Variants in C1QB observed in about 807,000 individuals in gnomAD.
The protein encoded by C1QB is complement C1q subcomponent subunit B.
A neutral mutation model predicts 4.6 loss-of-function variants in C1QB; 2 were observed. That is an observed-to-expected ratio of 0.43 (90% CI 0.18 to 1.36). C1QB has a LOEUF of 1.36. C1QB is among the 40% of genes most tolerant of loss of function. The probability of loss-of-function intolerance (pLI) is 0.28; values close to 1 mark genes in which losing one functional copy is unlikely to be tolerated. For missense variants in C1QB, 292 were observed against 338.0 expected (o/e 0.86, Z 1.07); for synonymous variants, 132 against 137.1 (o/e 0.96, Z 0.26).
chr1:22,659,305 G>GATGGATGA lies in C1QB; in HGVS notation c.-23-128_-23-127insAATGGATG, dbSNP rs1441493639. The GATGGATGA allele has an allele frequency of 4.4e-6, 3 of 688,672 alleles. No individual in the cohort carries two copies. The Admixed American group carries it at 6.8e-5, about 16-fold the overall frequency. 42.7% of individuals were successfully genotyped at this position (688,672 alleles called of 1,614,324 possible). ...GGAGGGATAGAGAGATGGATGGATG[G>GATGGATGA]ATGGATGGATGGATGGATGGATGCA... is the stretch of plus-strand genomic sequence containing the variant. On this transcript the variant is annotated intron_variant, in intron 1 of 2. Transcript: ENST00000509305.
chr1:22,656,471 C>A (rs1334287071), intron 1 of C1QB, among the ~76,000 whole-genome samples: 1 of 151,964 alleles, frequency 6.6e-6, no homozygotes, highest in South Asian at 2.1e-4. Flanking sequence ...CTCCAGAGTT[C>A]GAGACCAGCC....
chr1:22,661,299 G>A lies in C1QB; in HGVS notation c.669G>A (p.Gln223=), dbSNP rs200579004. The part of the protein sequence containing the change: ...KLEQGENVFL[Q]ATDKNSLLGM... ...AGCAGGGGGAGAACGTCTTCCTGCAGGCCACCGACAAGAACTCACTACTGG... is the reference window on the plus strand; with the variant it reads ...AGCAGGGGGAGAACGTCTTCCTGCAAGCCACCGACAAGAACTCACTACTGG... Residue 223 remains glutamine (Q), a synonymous_variant, in exon 3 of 3, where the codon CAG becomes CAA. Coordinates refer to ENST00000509305, the MANE Select transcript of C1QB (RefSeq NM_001378156.1). 1.9e-6 allele frequency: 3 copies of A among 1,614,002 alleles called. No individual in the cohort carries two copies. The highest frequency in any genetic ancestry group is 2.5e-6 in the Non-Finnish European group (3 of 1,179,972).
chr1:22,656,383 T>G (rs1444317849), intron 1 of C1QB, among the ~76,000 whole-genome samples: 2 of 152,020 alleles, frequency 1.3e-5, no homozygotes, highest in African/African-American at 4.8e-5. Flanking sequence ...GATGAGTGGA[T>G]AAACAAATAG....
At chr1:22,655,006 C>T (rs1282081317) in intron 1 of C1QB, among the ~76,000 whole-genome samples, 1 of 152,178 alleles carries the variant, frequency 6.6e-6, no homozygotes. Context: ...CCCAGCCACA[C>T]AGGAGCTGTG....
Position 22,654,474 on chromosome 1 carries a change from T to A in C1QB, c.-24+1171T>A, listed in dbSNP as rs566313616. Among the ~76,000 whole-genome samples the A allele has an allele frequency of 1.2e-4, 19 of 152,314 alleles. No individual in the cohort carries two copies. The East Asian group carries it at 3.7e-3, about 29-fold the overall frequency. ...GTCTTTCAAAGGGATTGTCTTTTTT[T>A]ACTTCTCCAACCATCTTCCCTTCTG... On this transcript the variant is annotated intron_variant, in intron 1 of 2. Transcript: ENST00000509305.
At position 22,660,957 on chromosome 1, in the gene C1QB, T is replaced by C. The variant is rs148746097; in HGVS notation, c.327T>C (p.Gly109=). 8.0e-4 allele frequency: 1,295 copies of C among 1,613,392 alleles called. 16 individuals are homozygous for C. The East Asian group carries it at 0.024, about 30-fold the overall frequency. Residue 109 remains glycine (G), a synonymous_variant, in exon 3 of 3, where the codon GGT becomes GGC. Transcript: ENST00000509305. ...CCCCTGGAGCCCCAGGCCCCAAAGG[T>C]GAATCGGGAGACTACAAGGCCACCC... The part of the protein sequence containing the change: ...PGAPGAPGPK[G]ESGDYKATQK...
intron 1 of C1QB, among the ~76,000 whole-genome samples, chr1:22,657,573 T>G (rs1182422867): frequency 6.6e-6 from 1 of 152,124 alleles, no homozygotes; most frequent in African/African-American, 2.4e-5. Flanking sequence ...TTCATGGTTG[T>G]CAGGGGCTGG....
intron 1 of C1QB, 110 bp from the exon 2 acceptor site, chr1:22,659,330 A>C (rs1259528788): frequency 1.2e-6 from 1 of 846,218 alleles, no homozygotes; most frequent in Non-Finnish European, 1.8e-6. Flanking sequence ...GGATGGATGC[A>C]GATGGAGGAA....
Position 22,659,306 on chromosome 1 carries a change from A to G in C1QB, c.-23-134A>G, listed in dbSNP as rs532614985. ...GAGGGATAGAGAGATGGATGGATGG[A>G]TGGATGGATGGATGGATGGATGCAG... On this transcript the variant is annotated intron_variant, in intron 1 of 2. Transcript: ENST00000509305. The G allele has an allele frequency of 7.5e-5, 52 of 693,856 alleles. 4 individuals are homozygous for G. In the South Asian group the frequency reaches 1.1e-3, roughly 14 times the overall value. 43.0% of individuals were successfully genotyped at this position (693,856 alleles called of 1,614,324 possible). A position where few individuals can be genotyped will look rare whatever the true frequency, so the allele number is the denominator to read the frequency against.
At chr1:22,655,386 G>A (rs1320879261) in intron 1 of C1QB, among the ~76,000 whole-genome samples, 1 of 152,124 alleles carries the variant, frequency 6.6e-6, no homozygotes, top group African/African-American at 2.4e-5. Context: ...ATAACTCAGG[G>A]CTTTCAGCAA....
In C1QB at chr1:22,661,141, C is replaced by T. The variant is rs1376944021; in HGVS notation, c.511C>T (p.His171Tyr). The change falls in exon 3 of 3, where the codon CAC (histidine) becomes TAC (tyrosine). Residue 171 changes from histidine to tyrosine, a missense_variant. By Grantham distance (83) the His-to-Tyr change is moderately conservative (BLOSUM62 2). Transcript: ENST00000509305. ...KVPGLYYFTY[H>Y]ASSRGNLCVN... ...GCCCGGTCTCTACTACTTCACCTAC[C>T]ACGCCAGCTCTCGAGGGAACCTGTG... 6.2e-7 allele frequency: 1 copy of T among 1,614,012 alleles called. No individual in the cohort carries two copies. The highest frequency in any genetic ancestry group is 8.5e-7 in the Non-Finnish European group (1 of 1,180,024).
In C1QB at chr1:22,654,467, C is replaced by CT. The variant is rs551225173; in HGVS notation, c.-24+1171dup. Among the ~76,000 whole-genome samples, 387 of 152,250 alleles carry CT rather than the reference C, an allele frequency of 2.5e-3. 1 individual carries two copies. Among genetic ancestry groups the CT allele is most frequent in the Non-Finnish European group, 4.1e-3 (279 of 68,010 alleles). On this transcript the variant is annotated intron_variant, in intron 1 of 2. Coordinates refer to ENST00000509305, the MANE Select transcript of C1QB (RefSeq NM_001378156.1). The stretch of plus-strand genomic sequence containing the variant: ...AAACACAGTCTTTCAAAGGGATTGT[C>CT]TTTTTTTACTTCTCCAACCATCTTC...
At chr1:22,653,473 G>A (rs1328389135) in intron 1 of C1QB, among the ~76,000 whole-genome samples, 170 bp downstream of exon 1, 2 of 152,228 alleles carry the variant, frequency 1.3e-5, no homozygotes, top group African/African-American at 2.4e-5. Flanking sequence ...TCTCTGGGGT[G>A]AGTTGGGGAG....
At chr1:22,653,622 AACCT>A (rs2148301073) in intron 1 of C1QB, among the ~76,000 whole-genome samples, 2 of 152,264 alleles carry the variant, frequency 1.3e-5, no homozygotes, top group African/African-American at 4.8e-5. Context: ...CAAGTCACCT[AACCT>A]CTCTCAGCCC....
At chr1:22,659,250 A>AGATG (rs1318205692) in intron 1 of C1QB, among the ~76,000 whole-genome samples, 190 bp from the exon 2 acceptor site, 33 of 138,830 alleles carry the variant, frequency 2.4e-4, no homozygotes, top group African/African-American at 2.3e-4. Flanking sequence ...AGGGATAGAG[A>AGATG]GATGGATGGA....
chr1:22,659,764 A>G (rs1393877245), intron 2 of C1QB, 121 bp downstream of exon 2: 10 of 1,199,656 alleles, frequency 8.3e-6, no homozygotes, highest in Non-Finnish European at 1.2e-5. Context: ...CAGCTTGCTG[A>G]ACCCTTGCAG....
intron 2 of C1QB, among the ~76,000 whole-genome samples, chr1:22,660,159 A>G (rs1443418732): frequency 1.3e-5 from 2 of 152,068 alleles, no homozygotes; most frequent in Non-Finnish European, 2.9e-5. Context: ...TCCTCACATA[A>G]TCTCATCTAA....
Position 22,661,478 on chromosome 1 carries a change from G to A in C1QB, c.*92G>A, listed in dbSNP as rs1570099976. On this transcript the variant is annotated 3_prime_UTR_variant, in exon 3 of 3. Transcript: ENST00000509305. ...ACCCCTTGCCCAACCAATGCACACA[G>A]TAGGGCTTGGTGAATGCTGCTGAGT... is the stretch of plus-strand genomic sequence containing the variant. 8 of 1,428,500 alleles carry A rather than the reference G, an allele frequency of 5.6e-6. No individual in the cohort carries two copies. In the East Asian group the frequency reaches 1.8e-4, roughly 33 times the overall value. 88.5% of individuals were successfully genotyped at this position (1,428,500 alleles called of 1,614,324 possible).
At chr1:22,659,065 G>C (rs1175515406) in intron 1 of C1QB, among the ~76,000 whole-genome samples, 1 of 149,858 alleles carries the variant, frequency 6.7e-6, no homozygotes, top group African/African-American at 2.5e-5. Context: ...ATGGATGGAT[G>C]GATGGATGGA....
Sources: gnomAD v4.1 joint callset for allele counts (sites outside exome capture counted in the v4.1 genomes callset) on GRCh38, gnomAD v4.1.1 for gene constraint, MANE v1.5 for transcripts, NCBI Gene and HGNC (gene_info 2026-07-23, HGNC 2026-07-21) for gene names.